The following GPC5 variants were observed in gnomAD, a reference collection of about 807,000 sequenced individuals.
GPC5 encodes the protein glypican-5.
In GPC5, 47 loss-of-function variants were observed where a neutral mutation model predicts 53.9. The ratio of observed to expected loss-of-function variants is 0.87; its 90% confidence interval spans 0.69 to 1.11. GPC5 has a LOEUF of 1.11. GPC5 is among the 50% of genes most tolerant of loss of function. The pLI, the probability that GPC5 is intolerant of heterozygous loss-of-function variation, is 0.00. For missense variants in GPC5, 748 were observed against 713.1 expected, an observed-to-expected ratio of 1.05 and a Z score of -0.56; for synonymous variants, 286 against 263.3, an observed-to-expected ratio of 1.09 and a Z score of -0.84.
Position 91,565,979 on chromosome 13 carries a change from G to A in GPC5, c.325+117057G>A, listed in dbSNP as rs373199674. Among the ~76,000 whole-genome samples, 48 of 152,164 alleles carry A rather than the reference G, an allele frequency of 3.2e-4. No individual in the cohort carries two copies. The East Asian group carries it at 5.8e-3, about 18-fold the overall frequency. Reference sequence around the variant, plus strand: ...TTTGTGCTGCTGTCTTCAAATTGCCGTTTCCTTTGTGTTTGTCTTTTCTTT... The same window carrying A: ...TTTGTGCTGCTGTCTTCAAATTGCCATTTCCTTTGTGTTTGTCTTTTCTTT... On this transcript the variant is annotated intron_variant, in intron 2 of 7. Transcript: ENST00000377067.
At chr13:92,485,562 T>C (rs780028459) in intron 7 of GPC5, among the ~76,000 whole-genome samples, 2 of 152,184 alleles carry the variant, frequency 1.3e-5, no homozygotes, top group South Asian at 2.1e-4. Flanking sequence ...ATTAGGCAAA[T>C]AGTAATTGAG....
chr13:91,485,152 C>A (rs896126878), intron 2 of GPC5, among the ~76,000 whole-genome samples: 2 of 151,526 alleles, frequency 1.3e-5, no homozygotes, highest in African/African-American at 4.8e-5. Flanking sequence ...ATCACATATA[C>A]AATCTGAATT....
intron 7 of GPC5, among the ~76,000 whole-genome samples, chr13:92,730,125 TGAAA>T (rs1240340718): frequency 6.6e-6 from 1 of 151,450 alleles, no homozygotes; most frequent in Non-Finnish European, 1.5e-5. Context: ...CATTATATGC[TGAAA>T]GAAAGGACAC....
intron 2 of GPC5, among the ~76,000 whole-genome samples, chr13:91,558,837 A>ATG (rs2031100098): frequency 1.3e-5 from 2 of 150,248 alleles, no homozygotes; most frequent in South Asian, 4.2e-4. Flanking sequence ...GATCTCAGTC[A>ATG]TGAGGGGGTT....
chr13:92,480,947 A>G (rs2139432863), intron 7 of GPC5, among the ~76,000 whole-genome samples: 1 of 152,302 alleles, frequency 6.6e-6, no homozygotes, highest in Non-Finnish European at 1.5e-5. Context: ...TAAAGATGGA[A>G]GGGTATCATG....
At chr13:92,659,757 G>A in intron 7 of GPC5, among the ~76,000 whole-genome samples, 1 of 152,200 alleles carries the variant, frequency 6.6e-6, no homozygotes, top group East Asian at 1.9e-4. Flanking sequence ...TTCTCAGAGG[G>A]TATGTAAGAA....
At chr13:92,385,413 T>TATAC (rs1566567369) in intron 7 of GPC5, among the ~76,000 whole-genome samples, 737 of 71,022 alleles carry the variant, frequency 0.01, 64 homozygotes, top group African/African-American at 0.02. Flanking sequence ...TATATACACA[T>TATAC]ATATATACAT....
At chr13:92,849,491 G>T (rs1594548458) in intron 7 of GPC5, among the ~76,000 whole-genome samples, 1 of 152,276 alleles carries the variant, frequency 6.6e-6, no homozygotes, top group Non-Finnish European at 1.5e-5. Context: ...AAGCTCTAAG[G>T]ATTAGCTGTT....
intron 7 of GPC5, among the ~76,000 whole-genome samples, chr13:92,703,883 A>G (rs1426536398): frequency 6.6e-6 from 1 of 151,990 alleles, no homozygotes; most frequent in African/African-American, 2.4e-5. Context: ...ATGGGAATTC[A>G]TTTAATATTT....
intron 6 of GPC5, among the ~76,000 whole-genome samples, chr13:91,955,709 G>A (rs905021560): frequency 2.0e-5 from 3 of 152,200 alleles, no homozygotes; most frequent in Non-Finnish European, 4.4e-5. Flanking sequence ...CATTCCTCCA[G>A]AGGAGCATAA....
chr13:92,035,179 C>G lies in GPC5; in HGVS notation c.1402-109651C>G, dbSNP rs574808710. On this transcript the variant is annotated intron_variant, in intron 6 of 7. Coordinates refer to ENST00000377067, the MANE Select transcript of GPC5 (RefSeq NM_004466.6). ...GCAGTGAGCAGAGATGGCGCCACTACACTCCAGCCTGGGCGACAGAGCGAG... is the reference window on the plus strand; with the variant it reads ...GCAGTGAGCAGAGATGGCGCCACTAGACTCCAGCCTGGGCGACAGAGCGAG... Among the ~76,000 whole-genome samples the G allele has an allele frequency of 9.8e-4, 143 of 146,242 alleles. 1 individual carries two copies. Among genetic ancestry groups the G allele is most frequent in the African/African-American group, 3.4e-3 (135 of 39,342 alleles).
At chr13:91,510,144 ATATTAT>A (rs951505388) in intron 2 of GPC5, among the ~76,000 whole-genome samples, 1 of 152,064 alleles carries the variant, frequency 6.6e-6, no homozygotes, top group Non-Finnish European at 1.5e-5. Context: ...TTATGTACAT[ATATTAT>A]TATTATTATG....
At chr13:91,906,039 C>G (rs1329131053) in intron 5 of GPC5, among the ~76,000 whole-genome samples, 1 of 151,986 alleles carries the variant, frequency 6.6e-6, no homozygotes, top group Middle Eastern at 3.2e-3. Context: ...CTCACCCCCC[C>G]TGCCAACGTC....
chr13:92,247,369 A>G (rs1389586238), intron 7 of GPC5, among the ~76,000 whole-genome samples: 2 of 152,136 alleles, frequency 1.3e-5, no homozygotes, highest in Non-Finnish European at 2.9e-5. Context: ...TGTCTTATCT[A>G]AGACTGAGCA....
At chr13:92,451,124 A>C (rs1315296539) in intron 7 of GPC5, among the ~76,000 whole-genome samples, 1 of 152,236 alleles carries the variant, frequency 6.6e-6, no homozygotes, top group Non-Finnish European at 1.5e-5. Context: ...CCACATATTA[A>C]TATCCATCTC....
intron 7 of GPC5, among the ~76,000 whole-genome samples, chr13:92,246,095 A>G (rs939989272): frequency 4.6e-5 from 7 of 152,232 alleles, no homozygotes; most frequent in African/African-American, 1.7e-4. Context: ...TGAGTGTAAG[A>G]GACAAGAATT....
intron 2 of GPC5, among the ~76,000 whole-genome samples, chr13:91,629,794 G>A (rs1188806124): frequency 6.6e-6 from 1 of 152,002 alleles, no homozygotes; most frequent in Non-Finnish European, 1.5e-5. Context: ...CATTCTTTTT[G>A]CTACTAAAGG....
intron 6 of GPC5, among the ~76,000 whole-genome samples, chr13:91,992,580 GC>G (rs1186721869): frequency 2.0e-5 from 3 of 151,372 alleles, no homozygotes; most frequent in African/African-American, 7.3e-5. Flanking sequence ...GCCTCAGCCT[GC>G]CAAGTAGCTT....
intron 4 of GPC5, among the ~76,000 whole-genome samples, chr13:91,738,352 G>A (rs2036857541): frequency 1.3e-5 from 2 of 151,376 alleles, no homozygotes. Context: ...ATTTTGGGGT[G>A]TTGTGTCCTA....
Sources: allele counts gnomAD v4.1 joint callset (sites outside exome capture counted in the v4.1 genomes callset), GRCh38; gene constraint gnomAD v4.1.1; transcripts MANE v1.5; gene names NCBI Gene and HGNC (gene_info 2026-07-23, HGNC 2026-07-21).